BBX: variants seen among roughly 807,000 people sequenced by gnomAD.
The protein encoded by BBX is BBX high mobility group box domain containing.
Under a neutral mutation model 100.2 loss-of-function variants are expected in BBX, and 30 were observed. The observed-to-expected ratio is 0.30, with a 90% CI of 0.22 to 0.41. The LOEUF (loss-of-function observed/expected upper bound fraction) is 0.41, where lower values mean the gene tolerates loss of function less well. BBX is among the 10% of genes least tolerant of loss of function. BBX has a pLI of 1.00. For missense variants in BBX, 1,023 were observed against 1,129.8 expected (o/e 0.91, Z 1.35); for synonymous variants, 376 against 388.1 (o/e 0.97, Z 0.37).
intron 2 of BBX, among the ~76,000 whole-genome samples, chr3:107,632,418 T>C: frequency 6.6e-6 from 1 of 152,214 alleles, no homozygotes; most frequent in Non-Finnish European, 1.5e-5. Context: ...TTAGTACTTT[T>C]AGTTTTTGAA....
At chr3:107,613,927 G>A (rs992134840) in intron 2 of BBX, among the ~76,000 whole-genome samples, 1 of 145,862 alleles carries the variant, frequency 6.9e-6, no homozygotes, top group African/African-American at 2.5e-5. Context: ...GAAATTCAGG[G>A]TCAACATACC....
chr3:107,523,254 T>C, intron 1 of BBX, 147 bp downstream of exon 1: 1 of 215,180 alleles, frequency 4.6e-6, no homozygotes, highest in Non-Finnish European at 9.3e-6. Context: ...CGGCAGCCGG[T>C]AGGGTGGACT....
intron 2 of BBX, among the ~76,000 whole-genome samples, chr3:107,624,590 C>T (rs9817496): frequency 0.12 from 18,050 of 152,210 alleles, 1,297 homozygotes; most frequent in Middle Eastern, 0.18. Flanking sequence ...AGTAGTTGGT[C>T]GGGCACAGTG....
Position 107,710,445 on chromosome 3 carries a change from A to T in BBX, c.-9-7A>T, listed in dbSNP as rs1256313366. On this transcript the variant is annotated splice_polypyrimidine_tract_variant and splice_region_variant and intron_variant, in intron 3 of 17. Coordinates refer to ENST00000325805, the MANE Select transcript of BBX (RefSeq NM_001142568.3). ...TCCCTGTTTCTCTCTCTCTCTTCCT[A>T]TTACAGGTCACAGTAATGAAAGGCA... is the stretch of plus-strand genomic sequence containing the variant. 5.0e-6 allele frequency: 8 copies of T among 1,602,272 alleles called. No homozygotes were observed. The highest frequency in any genetic ancestry group is 6.8e-6 in the Non-Finnish European group (8 of 1,173,066).
At chr3:107,594,742 T>C (rs914358760) in intron 2 of BBX, among the ~76,000 whole-genome samples, 2 of 152,154 alleles carry the variant, frequency 1.3e-5, no homozygotes, top group African/African-American at 4.8e-5. Flanking sequence ...CATATAATAA[T>C]AGCTTAAAAA....
intron 10 of BBX, among the ~76,000 whole-genome samples, chr3:107,758,428 C>G (rs2065651318): frequency 6.6e-6 from 1 of 152,120 alleles, no homozygotes; most frequent in African/African-American, 2.4e-5. Context: ...TCCATGTGAT[C>G]AGGCAAGAGA....
chr3:107,788,268 A>G (rs1367092713), intron 13 of BBX, among the ~76,000 whole-genome samples: 1 of 152,168 alleles, frequency 6.6e-6, no homozygotes, highest in Non-Finnish European at 1.5e-5. Context: ...AGAGGGAAAT[A>G]TCAGTGATGG....
chr3:107,610,743 C>T (rs1374420304), intron 2 of BBX, among the ~76,000 whole-genome samples: 1 of 149,474 alleles, frequency 6.7e-6, no homozygotes, highest in African/African-American at 2.5e-5. Flanking sequence ...CTTCATGTGT[C>T]TTTATATGTG....
At chr3:107,763,164 A>G (rs1348890588) in intron 10 of BBX, among the ~76,000 whole-genome samples, 1 of 152,118 alleles carries the variant, frequency 6.6e-6, no homozygotes, top group Non-Finnish European at 1.5e-5. Flanking sequence ...AGGTTTTCGC[A>G]CAGGGGATAC....
intron 3 of BBX, among the ~76,000 whole-genome samples, chr3:107,692,950 G>A (rs1230897640): frequency 2.0e-5 from 3 of 146,624 alleles, no homozygotes; most frequent in African/African-American, 5.1e-5. Flanking sequence ...GATGGCCAGT[G>A]ATGGTGAGCA....
intron 2 of BBX, among the ~76,000 whole-genome samples, chr3:107,608,066 T>G (rs2054578943): frequency 6.6e-6 from 1 of 152,170 alleles, no homozygotes; most frequent in African/African-American, 2.4e-5. Context: ...TTTGACTTGA[T>G]ATGATCCCAT....
At chr3:107,701,036 T>A (rs374409286) in intron 3 of BBX, among the ~76,000 whole-genome samples, 19 of 151,422 alleles carry the variant, frequency 1.3e-4, no homozygotes, top group Admixed American at 2.0e-4. Context: ...ACAATGGTTG[T>A]ACTAGTTTAC....
chr3:107,643,425 C>T (rs933239771), intron 2 of BBX, among the ~76,000 whole-genome samples: 1 of 151,830 alleles, frequency 6.6e-6, no homozygotes, highest in Non-Finnish European at 1.5e-5. Flanking sequence ...TGTGCAGTGT[C>T]ATGGGTGGGA....
Position 107,708,205 on chromosome 3 carries a change from A to G in BBX, c.-9-2247A>G, listed in dbSNP as rs9871043. 6.9e-3 allele frequency among the ~76,000 whole-genome samples: 1,044 copies of G among 152,318 alleles called. 11 individuals are homozygous for G. The highest frequency in any genetic ancestry group is 0.024 in the African/African-American group (988 of 41,558). On this transcript the variant is annotated intron_variant, in intron 3 of 17. Coordinates refer to ENST00000325805, the MANE Select transcript of BBX (RefSeq NM_001142568.3). ...ATTCACAAGAAATCTTCTCTTATTA[A>G]GAGCACACCAGATACCTAATTCCAT...
chr3:107,654,948 T>TA (rs755587118), intron 3 of BBX, among the ~76,000 whole-genome samples: 3 of 152,302 alleles, frequency 2.0e-5, no homozygotes, highest in Middle Eastern at 6.8e-3. Flanking sequence ...AGGCAGCAAG[T>TA]AAAAAATGAT....
chr3:107,717,910 C>G (rs1215872673), intron 5 of BBX, among the ~76,000 whole-genome samples: 1 of 151,952 alleles, frequency 6.6e-6, no homozygotes, highest in South Asian at 2.1e-4. Context: ...CCCTGTCACC[C>G]AAACACTTGG....
intron 8 of BBX, among the ~76,000 whole-genome samples, chr3:107,746,841 A>T (rs2107622386): frequency 6.6e-6 from 1 of 152,270 alleles, no homozygotes; most frequent in Non-Finnish European, 1.5e-5. Context: ...AACTAAAACG[A>T]AAAAGCAGTT....
At chr3:107,710,317 G>A (rs970511396) in intron 3 of BBX, 135 bp from the exon 4 acceptor site, 5 of 652,098 alleles carry the variant, frequency 7.7e-6, no homozygotes, top group African/African-American at 7.4e-5. Context: ...TGATAGTATA[G>A]TCATTAAAAT....
At chr3:107,805,092 G>A (rs1238995377) in intron 17 of BBX, among the ~76,000 whole-genome samples, 3 of 152,056 alleles carry the variant, frequency 2.0e-5, no homozygotes, top group Non-Finnish European at 4.4e-5. Context: ...GTGGTTAGTT[G>A]TTTGAGGCCA....
Sources: gnomAD v4.1 joint callset for allele counts (sites outside exome capture counted in the v4.1 genomes callset) on GRCh38, gnomAD v4.1.1 for gene constraint, MANE v1.5 for transcripts, NCBI Gene and HGNC (gene_info 2026-07-23, HGNC 2026-07-21) for gene names.